Variants in SPAG17 observed in about 807,000 individuals in gnomAD.
SPAG17 encodes sperm associated antigen 17, also known as sperm-associated antigen 17.
SPAG17 carries 169 observed loss-of-function variants against 273.6 expected under a neutral mutation model. That is an observed-to-expected ratio of 0.62 (90% CI 0.55 to 0.70). The LOEUF is 0.70. Among genes scored for constraint, SPAG17 ranks in the 30% least tolerant of loss-of-function variants. SPAG17 has a pLI of 0.00. For synonymous variants in SPAG17, 825 were observed against 873.2 expected (o/e 0.94, Z 0.97); for missense variants, 2,557 against 2,627.8 (o/e 0.97, Z 0.59).
intron 3 of SPAG17, among the ~76,000 whole-genome samples, chr1:118,138,430 TG>T (rs1367287368): frequency 6.6e-6 from 1 of 152,106 alleles, no homozygotes; most frequent in East Asian, 1.9e-4. Context: ...AGAGAGGAAA[TG>T]TAATAGAGAA....
At chr1:118,017,183 G>C (rs1041079725) in intron 28 of SPAG17, among the ~76,000 whole-genome samples, 2 of 152,162 alleles carry the variant, frequency 1.3e-5, no homozygotes. Context: ...TATTAGTAGA[G>C]AGTGAAAATG....
Position 118,081,638 on chromosome 1 carries a change from G to A in SPAG17, c.1767C>T (p.Val589=), listed in dbSNP as rs776377924. 6.2e-7 allele frequency: 1 copy of A among 1,613,318 alleles called. No individual in the cohort carries two copies. The highest frequency in any genetic ancestry group is 1.1e-5 in the South Asian group (1 of 91,064). The part of the protein sequence containing the change: ...HELMHFCTSD[V]LSWNEVERAF... ...CTCGTTCTACTTCATTCCAGCTCAA[G>A]ACATCTGTAAGAAAGCAGAACCAGT... The change falls in exon 14 of 49, where the codon GTC becomes GTT. Residue 589 remains valine, a synonymous_variant. Transcript: ENST00000336338.
In SPAG17 at chr1:117,996,698, A is replaced by T. The variant is rs1489040160; in HGVS notation, c.4822T>A (p.Leu1608Met). 5 of 1,611,318 alleles carry T rather than the reference A, an allele frequency of 3.1e-6. No individual in the cohort carries two copies. The highest frequency in any genetic ancestry group is 4.2e-6 in the Non-Finnish European group (5 of 1,178,554). Reference sequence around the variant, plus strand: ...GTTTTCTCATTTAAATCATCTTCCAATTTTTTTTCAGGTAATATAGTTGAT... The same window carrying T: ...GTTTTCTCATTTAAATCATCTTCCATTTTTTTTTCAGGTAATATAGTTGAT... ...SISTILPEKK[L>M]EDDLNEKTEG... is the part of the protein sequence containing the mutation. Residue 1608 changes from leucine to methionine, a missense_variant, in exon 33 of 49, where the codon TTG (leucine) becomes ATG (methionine). Physicochemically the swap from Leu to Met is conservative, Grantham distance 15 (BLOSUM62 2). Coordinates refer to ENST00000336338, the MANE Select transcript of SPAG17 (RefSeq NM_206996.4).
chr1:118,054,932 G>T (rs140323794), intron 19 of SPAG17, among the ~76,000 whole-genome samples: 1 of 151,994 alleles, frequency 6.6e-6, no homozygotes, highest in Admixed American at 6.6e-5. Context: ...ATTATGTAGC[G>T]TTGCTTCTTT....
Position 118,093,221 on chromosome 1 carries a change from G to C in SPAG17, c.1108C>G (p.Gln370Glu). 6.2e-7 allele frequency: 1 copy of C among 1,613,770 alleles called. No individual in the cohort carries two copies. The highest frequency in any genetic ancestry group is 8.5e-7 in the Non-Finnish European group (1 of 1,179,810). ...RQHQHYLESMQLINVPQVVNE... is the reference protein window; with the variant it reads ...RQHQHYLESMELINVPQVVNE... The stretch of plus-strand genomic sequence containing the variant: ...ACCACTTGTGGAACATTAATAAGCT[G>C]CATGCTTTCCAAATAGTGCTGGTGC... The change falls in exon 8 of 49, where the codon CAG becomes GAG. Residue 370 changes from glutamine (Q) to glutamate (E), a missense_variant. Coordinates refer to ENST00000336338, the MANE Select transcript of SPAG17 (RefSeq NM_206996.4).
chr1:118,097,891 T>C (rs765019499), intron 6 of SPAG17, 40 bp from the exon 7 acceptor site: 15 of 1,417,998 alleles, frequency 1.1e-5, no homozygotes, highest in Non-Finnish European at 1.3e-5. Flanking sequence ...AATGAGAGTG[T>C]TAAATGTTTT....
intron 1 of SPAG17, among the ~76,000 whole-genome samples, chr1:118,159,992 A>T (rs79508640): frequency 6.6e-6 from 1 of 152,226 alleles, no homozygotes; most frequent in East Asian, 1.9e-4. Context: ...CATAAAAAGT[A>T]AGGCAAACCT....
chr1:117,972,142 G>C, intron 44 of SPAG17, 95 bp from the exon 45 acceptor site: 1 of 1,093,196 alleles, frequency 9.1e-7, no homozygotes, highest in Non-Finnish European at 1.3e-6. Flanking sequence ...AATAACTGTT[G>C]GGTTGCTGGA....
chr1:118,011,933 T>G (rs1659511074), intron 30 of SPAG17, among the ~76,000 whole-genome samples: 1 of 152,050 alleles, frequency 6.6e-6, no homozygotes, highest in Non-Finnish European at 1.5e-5. Context: ...TTTTGCAATG[T>G]ATACTTATTT....
intron 20 of SPAG17, among the ~76,000 whole-genome samples, chr1:118,047,345 G>C (rs957139042): frequency 2.0e-5 from 3 of 152,302 alleles, no homozygotes; most frequent in South Asian, 2.1e-4. Context: ...AGAGAGTATA[G>C]CATCTTAATG....
chr1:118,074,485 T>C, intron 16 of SPAG17, 54 bp downstream of exon 16: 5 of 1,440,982 alleles, frequency 3.5e-6, no homozygotes, highest in Non-Finnish European at 3.9e-6. Flanking sequence ...CTCCAAGTCA[T>C]GGTTTTTCTC....
At chr1:118,054,902 A>AG (rs1456146242) in intron 19 of SPAG17, among the ~76,000 whole-genome samples, 1 of 152,064 alleles carries the variant, frequency 6.6e-6, no homozygotes, top group Non-Finnish European at 1.5e-5. Context: ...TAATTGATAG[A>AG]GGTTGCCAAA....
intron 3 of SPAG17, among the ~76,000 whole-genome samples, chr1:118,148,007 T>G (rs1425154616): frequency 6.6e-6 from 1 of 152,150 alleles, no homozygotes; most frequent in African/African-American, 2.4e-5. Flanking sequence ...ACCCTACAAG[T>G]AGAAGTAAAT....
In SPAG17 at chr1:118,091,667, A is replaced by G; in HGVS notation, c.1298T>C (p.Leu433Pro). 1 of 1,612,990 alleles carries G rather than the reference A, an allele frequency of 6.2e-7. No individual in the cohort carries two copies. The highest frequency in any genetic ancestry group is 8.5e-7 in the Non-Finnish European group (1 of 1,179,174). Reference sequence around the variant, plus strand: ...AATGAATTCCTCTCGAATTGGATTCAGCAAATAATTGTAATATCTCATGTC... The same window carrying G: ...AATGAATTCCTCTCGAATTGGATTCGGCAAATAATTGTAATATCTCATGTC... ...EVDMRYYNYL[L>P]NPIREEFISV... The change falls in exon 10 of 49, where the codon CTG (leucine) becomes CCG (proline). Residue 433 changes from leucine to proline, a missense_variant. Transcript: ENST00000336338.
intron 15 of SPAG17, among the ~76,000 whole-genome samples, chr1:118,078,146 C>T (rs1340295872): frequency 6.6e-6 from 1 of 152,068 alleles, no homozygotes; most frequent in Non-Finnish European, 1.5e-5. Context: ...CCTCCTCTAC[C>T]AATCCTATTC....
chr1:117,994,568 T>C (rs199584442), intron 34 of SPAG17, 38 bp from the exon 35 acceptor site: 114 of 1,577,520 alleles, frequency 7.2e-5, no homozygotes, highest in Admixed American at 2.1e-4. Flanking sequence ...CATTACCCAT[T>C]GAAAGTACTC....
rs190649189 is a variant in SPAG17, at chr1:118,003,414, T to G, written c.4776+2000A>C. 3.9e-4 allele frequency among the ~76,000 whole-genome samples: 59 copies of G among 152,318 alleles called. 1 individual carries two copies. In the East Asian group the frequency reaches 7.9e-3, roughly 20 times the overall value. ...TTCTCCTGGATAATATCCTGAAGAG[T>G]GTTTCCCAACTTGGTTCCATTCTCC... On this transcript the variant is annotated intron_variant, in intron 32 of 48. Transcript: ENST00000336338.
intron 32 of SPAG17, among the ~76,000 whole-genome samples, chr1:118,001,810 GT>G (rs1353187806): frequency 1.3e-5 from 2 of 152,110 alleles, no homozygotes; most frequent in African/African-American, 4.8e-5. Context: ...GGTTTTTTGT[GT>G]CGCTATCTCT....
chr1:117,981,792 T>C (rs1402343740), intron 42 of SPAG17, among the ~76,000 whole-genome samples: 1 of 152,236 alleles, frequency 6.6e-6, no homozygotes, highest in Non-Finnish European at 1.5e-5. Flanking sequence ...AAACTTAAAT[T>C]CATTCATTAC....
Sources: gnomAD v4.1 joint callset for allele counts (sites outside exome capture counted in the v4.1 genomes callset) on GRCh38, gnomAD v4.1.1 for gene constraint, MANE v1.5 for transcripts, NCBI Gene and HGNC (gene_info 2026-07-23, HGNC 2026-07-21) for gene names.